PARP10: variants seen among roughly 807,000 people sequenced by gnomAD.
The protein encoded by PARP10 is protein mono-ADP-ribosyltransferase PARP10.
Under a neutral mutation model 82.4 loss-of-function variants are expected in PARP10, and 56 were observed. That is an observed-to-expected ratio of 0.68 (90% confidence interval 0.55 to 0.85). The LOEUF (loss-of-function observed/expected upper bound fraction) is 0.85, where lower values mean the gene tolerates loss of function less well. Among genes scored for constraint, PARP10 ranks in the 40% least tolerant of loss-of-function variants. The probability of loss-of-function intolerance (pLI) is 0.00; values close to 1 mark genes in which losing one functional copy is unlikely to be tolerated. For missense variants in PARP10, 1,227 were observed against 1,379.4 expected (o/e 0.89, Z 1.75); for synonymous variants, 576 against 601.1 (o/e 0.96, Z 0.61).
Position 144,008,094 on chromosome 8 carries a change from C to T in PARP10, c.-80+4436G>A, listed in dbSNP as rs1018631513. Among the ~76,000 whole-genome samples, 3 of 152,180 alleles carry T rather than the reference C, an allele frequency of 2.0e-5. No homozygotes were observed. The highest frequency in any genetic ancestry group is 4.4e-5 in the Non-Finnish European group (3 of 68,038). On this transcript the variant is annotated intron_variant, in intron 1 of 3. Transcript: ENST00000530478. The surrounding 1 kb of genome is among the most constrained non-coding windows in gnomAD (Gnocchi z 4.0). ...AGACAACTACCTCCCGGCAGCTCCT[C>T]GTCAGCAACAGGCAGACCCGGAGGT...
rs782778586 is a variant in PARP10, at chr8:143,983,042, G to A, written c.2446C>T (p.Pro816Ser). 3.7e-6 allele frequency: 6 copies of A among 1,613,580 alleles called. No individual in the cohort carries two copies. In the Admixed American group the frequency reaches 6.7e-5, roughly 18 times the overall value. ...PTLAGQTLKG[P>S]WNNLERLAEN... ...GCCAGACGCTCCAGGTTGTTCCAGG[G>A]CCCCTTCAGCGTCTGCCCCGCCACT... The change falls in exon 9 of 11, where the codon CCC (proline) becomes TCC (serine). Residue 816 changes from proline (P) to serine (S), a missense_variant. Physicochemically the swap from Pro to Ser is moderately conservative, Grantham distance 74 (BLOSUM62 -1). Coordinates refer to ENST00000313028, the MANE Select transcript of PARP10 (RefSeq NM_032789.5).
At chr8:143,999,760 A>C (rs1427247110) in intron 1 of PARP10, among the ~76,000 whole-genome samples, 1 of 152,072 alleles carries the variant, frequency 6.6e-6, no homozygotes, top group Non-Finnish European at 1.5e-5. Context: ...CTTTAATAGA[A>C]AAATACAGTT....
rs1008330079 is a variant in PARP10, at chr8:144,012,740, C to T, written c.-290G>A. 13 of 1,551,382 alleles carry T rather than the reference C, an allele frequency of 8.4e-6. No homozygotes were observed. The Admixed American group carries it at 1.4e-4, about 16-fold the overall frequency. On this transcript the variant is annotated 5_prime_UTR_variant, in exon 1 of 4. Transcript: ENST00000530478. ...GCCAGAACAATGGTAAGAGGCCTCG[C>T]TCCCAAGAGAGTGAGGAGGGAAGTG...
chr8:144,009,062 C>G (rs1267923136), intron 1 of PARP10, among the ~76,000 whole-genome samples: 1 of 152,100 alleles, frequency 6.6e-6, no homozygotes, highest in Non-Finnish European at 1.5e-5. Flanking sequence ...GGGCCACAGT[C>G]TTCCCTGGCA....
chr8:143,996,969 G>A (rs965137174), intron 1 of PARP10, among the ~76,000 whole-genome samples: 1 of 152,130 alleles, frequency 6.6e-6, no homozygotes, highest in Non-Finnish European at 1.5e-5. Flanking sequence ...GGGAGACCCA[G>A]ACTTGGGGGC....
chr8:144,006,540 G>C (rs1276311784), intron 1 of PARP10, among the ~76,000 whole-genome samples: 2 of 152,232 alleles, frequency 1.3e-5, no homozygotes, highest in African/African-American at 2.4e-5. Flanking sequence ...AGGAAGAGTA[G>C]GAATTAACCA....
exon 1 of PARP10, chr8:144,012,760 G>A: frequency 6.5e-7 from 1 of 1,549,070 alleles, no homozygotes; most frequent in South Asian, 1.2e-5. Flanking sequence ...AGTGAGGAGG[G>A]AAGTGGGGAC....
rs147608960 is a variant in PARP10 at position 143,977,844 on chromosome 8, C to A, written c.2732-14G>T. 1.3e-6 allele frequency: 2 copies of A among 1,597,086 alleles called. No individual in the cohort carries two copies. Among genetic ancestry groups the A allele is most frequent in the Admixed American group, 1.7e-5 (1 of 59,286 alleles). ...CGTAGACCGTGGCTGCAGGGCGAGA[C>A]GGGGCAAGGTCAGGGTGGTCGGGGT... On this transcript the variant is annotated splice_polypyrimidine_tract_variant and intron_variant, in intron 10 of 10. Coordinates refer to ENST00000313028, the MANE Select transcript of PARP10 (RefSeq NM_032789.5).
chr8:144,003,876 T>A (rs544097477), intron 1 of PARP10, among the ~76,000 whole-genome samples: 192 of 147,344 alleles, frequency 1.3e-3, no homozygotes, highest in South Asian at 3.0e-3. Context: ...AAAAAAAAAA[T>A]TTTTTTTAAT....
upstream of PARP10, chr8:143,986,646 C>A: frequency 1.8e-6 from 1 of 571,046 alleles, no homozygotes; most frequent in Non-Finnish European, 3.1e-6. Context: ...CTACCTGGCC[C>A]ACTCCAGCCC....
upstream of PARP10, chr8:143,992,959 A>G (rs1165348458): frequency 1.6e-5 from 13 of 836,684 alleles, no homozygotes; most frequent in South Asian, 2.2e-4. Context: ...GCCTAGGGAA[A>G]AGGATGCCTC....
At chr8:143,993,197 A>C, upstream of PARP10, 2 of 290,256 alleles carry the variant, frequency 6.9e-6, no homozygotes, top group East Asian at 8.7e-5. Flanking sequence ...GTGAGGGTGC[A>C]CGTCTTCCCT....
At chr8:143,982,258 A>G (rs2133042663) in intron 9 of PARP10, among the ~76,000 whole-genome samples, 1 of 152,202 alleles carries the variant, frequency 6.6e-6, no homozygotes, top group South Asian at 2.1e-4. Flanking sequence ...TCACGAGGTC[A>G]GTAGATCGAG....
chr8:143,983,467 G>A lies in PARP10; in HGVS notation c.2122C>T (p.Gln708Ter). The A allele has an allele frequency of 2.5e-6, 4 of 1,606,908 alleles. No homozygotes were observed. The highest frequency in any genetic ancestry group is 3.4e-6 in the Non-Finnish European group (4 of 1,178,788). Residue 708 changes from glutamine (Q) to a stop codon, truncating the protein, a stop_gained, in exon 8 of 11, where the codon CAG becomes TAG. Coordinates refer to ENST00000313028, the MANE Select transcript of PARP10 (RefSeq NM_032789.5). LOFTEE classifies it high-confidence loss of function. ...PPDGGTDGKAQLVVHSAFEQD... is the reference protein window; with the variant it reads ...PPDGGTDGKA ...TCAAAGGCCGAGTGCACCACCAGCT[G>A]GGCCTTGCCATCAGTCCCCCCATCT...
upstream of PARP10, chr8:143,993,083 C>T (rs144971753): frequency 1.0e-3 from 526 of 514,380 alleles, 1 homozygote; most frequent in African/African-American, 8.9e-3. Flanking sequence ...GCCACGTTTC[C>T]GTGCCACCTC....
rs782112491 is a variant in PARP10, at chr8:143,978,055, C to A, written c.2583G>T (p.Leu861=). ...VRVERVSHPL[L]QQQYELYRER... is the part of the protein sequence containing the mutation. The stretch of plus-strand genomic sequence containing the variant: ...CCCGGTACAGCTCATACTGCTGCTG[C>A]AGCAGCGGGTGCGACACGCGCTCCA... Residue 861 remains leucine, a synonymous_variant, in exon 10 of 11, where the codon CTG becomes CTT. Transcript: ENST00000313028. 1 of 1,545,792 alleles carries A rather than the reference C, an allele frequency of 6.5e-7. No homozygotes were observed. The highest frequency in any genetic ancestry group is 1.4e-5 in the African/African-American group (1 of 73,126).
At chr8:143,991,208 C>A, upstream of PARP10, 1 of 1,553,448 alleles carries the variant, frequency 6.4e-7, no homozygotes, top group Non-Finnish European at 8.7e-7. Flanking sequence ...AGGGGCGGAC[C>A]GCGGAACCCG....
intron 9 of PARP10, among the ~76,000 whole-genome samples, chr8:143,979,135 GCTAT>G (rs1226246837): frequency 6.6e-6 from 1 of 152,074 alleles, no homozygotes; most frequent in Non-Finnish European, 1.5e-5. Flanking sequence ...ACCGCGCCCG[GCTAT>G]CTTTTTTGTA....
In PARP10 at chr8:143,985,993, G is replaced by T. The variant is rs1223597073; in HGVS notation, c.182-18C>A. The T allele has an allele frequency of 6.3e-7, 1 of 1,598,200 alleles. No homozygotes were observed. On this transcript the variant is annotated intron_variant, in intron 2 of 10. Transcript: ENST00000313028. ...CTCGGCGTCTGTGGGCAGGGGCGGG[G>T]CAGGATGTCAGGCATTAGAATATCA...
Sources: gnomAD v4.1 joint callset for allele counts (sites outside exome capture counted in the v4.1 genomes callset) on GRCh38, gnomAD v4.1.1 for gene constraint, Gnocchi (gnomAD v3.1) non-coding constraint, MANE v1.5 for transcripts, NCBI Gene and HGNC (gene_info 2026-07-23, HGNC 2026-07-21) for gene names.